The following ZFP90 variants were observed in gnomAD, a reference collection of about 807,000 sequenced individuals.
ZFP90 encodes the protein ZFP90 zinc finger protein, also known as zinc finger protein 90 homolog.
In ZFP90, 38 loss-of-function variants were observed where a neutral mutation model predicts 60.8. The ratio of observed to expected loss-of-function variants is 0.62; its 90% CI spans 0.48 to 0.82. The LOEUF (loss-of-function observed/expected upper bound fraction) is 0.82, where lower values mean the gene tolerates loss of function less well. Ranked by LOEUF, ZFP90 falls within the 40% of genes least tolerant of loss-of-function variation. The probability of loss-of-function intolerance (pLI) is 0.00; values close to 1 mark genes in which losing one functional copy is unlikely to be tolerated. For missense variants in ZFP90, 711 were observed against 759.1 expected (o/e 0.94, Z 0.74); for synonymous variants, 287 against 264.8 (o/e 1.08, Z -0.82).
At chr16:68,549,021 A>G (rs2152062683) in intron 2 of ZFP90, among the ~76,000 whole-genome samples, 1 of 152,096 alleles carries the variant, frequency 6.6e-6, no homozygotes, top group East Asian at 1.9e-4. Context: ...AGAATTACCC[A>G]GATTCTGTAT....
chr16:68,543,638 G>A (rs1456186837), intron 2 of ZFP90, among the ~76,000 whole-genome samples: 4 of 150,810 alleles, frequency 2.7e-5, no homozygotes, highest in Admixed American at 1.3e-4. Flanking sequence ...TTGGCTCACC[G>A]CAACCTCTGC....
At chr16:68,568,033 C>T (rs1209740999), downstream of ZFP90, among the ~76,000 whole-genome samples, 1 of 152,166 alleles carries the variant, frequency 6.6e-6, no homozygotes, top group African/African-American at 2.4e-5. Context: ...TGCTGACTCT[C>T]CTATTTCAAT....
intron 2 of ZFP90, among the ~76,000 whole-genome samples, chr16:68,543,784 C>T (rs1425157930): frequency 6.6e-6 from 1 of 151,300 alleles, no homozygotes; most frequent in Non-Finnish European, 1.5e-5. Flanking sequence ...TGGTCTCGAT[C>T]TCCTGACCTC....
At chr16:68,545,839 G>A (rs531653366) in intron 2 of ZFP90, among the ~76,000 whole-genome samples, 183 of 151,956 alleles carry the variant, frequency 1.2e-3, no homozygotes, top group African/African-American at 4.3e-3. Context: ...TCAAAAATAA[G>A]ATTCTTTTCC....
At position 68,566,814 on chromosome 16, in the gene ZFP90, A is replaced by T. The variant is rs1047176710; in HGVS notation, c.*2116A>T. On this transcript the variant is annotated 3_prime_UTR_variant, in exon 5 of 5. Transcript: ENST00000563169. ...TCCCCATAGTGGACTACTTTCAGGA[A>T]TGGCATGAATTGTAACCAACTGAGT... The T allele has an allele frequency of 2.5e-5, 25 of 985,472 alleles. No homozygotes were observed. Among genetic ancestry groups the T allele is most frequent in the Non-Finnish European group, 2.9e-5 (24 of 829,964 alleles). 61.0% of individuals were successfully genotyped at this position (985,472 alleles called of 1,614,324 possible). A position where few individuals can be genotyped will look rare whatever the true frequency, so the allele number is the denominator to read the frequency against.
chr16:68,551,842 T>C (rs2091266580), intron 2 of ZFP90, among the ~76,000 whole-genome samples: 1 of 152,226 alleles, frequency 6.6e-6, no homozygotes, highest in African/African-American at 2.4e-5. Flanking sequence ...CACTGCAAGC[T>C]CCGCCTCCCA....
chr16:68,540,783 G>A (rs1406842512), intron 2 of ZFP90, among the ~76,000 whole-genome samples: 25 of 115,644 alleles, frequency 2.2e-4, no homozygotes, highest in Admixed American at 3.4e-4. Flanking sequence ...ACCAGCCTGG[G>A]CAACATAGTG....
At chr16:68,569,468 A>T (rs377159464), downstream of ZFP90, among the ~76,000 whole-genome samples, 1 of 152,150 alleles carries the variant, frequency 6.6e-6, no homozygotes, top group East Asian at 1.9e-4. Context: ...GCTATCCTCC[A>T]GCATTTGTTT....
chr16:68,553,830 GC>G (rs1398219004), intron 2 of ZFP90, among the ~76,000 whole-genome samples: 1 of 152,128 alleles, frequency 6.6e-6, no homozygotes, highest in Non-Finnish European at 1.5e-5. Context: ...TCACTGTGTT[GC>G]CCAGGCTGGT....
rs1410200890 is a variant in ZFP90 at position 68,565,609 on chromosome 16, C to G, written c.*911C>G. On this transcript the variant is annotated 3_prime_UTR_variant, in exon 5 of 5. Coordinates refer to ENST00000563169, the MANE Select transcript of ZFP90 (RefSeq NM_001305203.2). ...CCAGTTTCACAGAACTATTAAGTCC[C>G]CTTATTGTACTTTTTATGGCATGCC... is the stretch of plus-strand genomic sequence containing the variant. The G allele has an allele frequency of 2.0e-6, 2 of 985,394 alleles. No homozygotes were observed. The highest frequency in any genetic ancestry group is 9.4e-5 in the South Asian group (2 of 21,286). The allele number at this position is 985,394 out of a possible 1,614,324, so 61.0% of individuals were successfully genotyped here.
intron 2 of ZFP90, chr16:68,574,353 T>C (rs1170438): frequency 0.77 from 116,507 of 151,598 alleles, 44,849 homozygotes; most frequent in East Asian, 0.82. Flanking sequence ...TTCTCCCATC[T>C]TCTGGACCAG....
intron 4 of ZFP90, chr16:68,562,153 GT>G: frequency 6.6e-6 from 1 of 152,112 alleles, no homozygotes; most frequent in East Asian, 1.9e-4. Context: ...ATTTTTTTCA[GT>G]TTTTAAAAGA....
chr16:68,564,043 G>T lies in ZFP90; in HGVS notation c.1256G>T (p.Gly419Val). ...AAACATATGAGGATTCATAAGAGAGGCAAACCTTACCAAAGCAGTAACTAC... is the reference window on the plus strand; with the variant it reads ...AAACATATGAGGATTCATAAGAGAGTCAAACCTTACCAAAGCAGTAACTAC... ...LYKHMRIHKR[G>V]KPYQSSNYSI... Residue 419 changes from glycine (G) to valine (V), a missense_variant, in exon 5 of 5, where the codon GGC (glycine) becomes GTC (valine). By Grantham distance (109) the Gly-to-Val change is moderately radical (BLOSUM62 -3). Coordinates refer to ENST00000563169, the MANE Select transcript of ZFP90 (RefSeq NM_001305203.2). 4 of 1,613,966 alleles carry T rather than the reference G, an allele frequency of 2.5e-6. No homozygotes were observed. Among genetic ancestry groups the T allele is most frequent in the Non-Finnish European group, 3.4e-6 (4 of 1,179,994 alleles).
chr16:68,544,515 C>T (rs1338077785), intron 2 of ZFP90, among the ~76,000 whole-genome samples: 1 of 152,088 alleles, frequency 6.6e-6, no homozygotes, highest in Non-Finnish European at 1.5e-5. Flanking sequence ...AAGAGATTTC[C>T]TTGATAGAGA....
At chr16:68,545,379 A>G (rs1244517850) in intron 2 of ZFP90, among the ~76,000 whole-genome samples, 4 of 152,188 alleles carry the variant, frequency 2.6e-5, no homozygotes, top group Non-Finnish European at 5.9e-5. Context: ...TGCTACTAAT[A>G]TAGCACAAAT....
At chr16:68,549,732 C>T (rs550562442) in intron 2 of ZFP90, among the ~76,000 whole-genome samples, 4 of 145,060 alleles carry the variant, frequency 2.8e-5, no homozygotes, top group Non-Finnish European at 4.5e-5. Flanking sequence ...TAGATGGCTA[C>T]GGTTCTGAAA....
chr16:68,556,587 C>T (rs1439759070), intron 2 of ZFP90, among the ~76,000 whole-genome samples: 1 of 152,140 alleles, frequency 6.6e-6, no homozygotes, highest in African/African-American at 2.4e-5. Context: ...GTTCTGGGCA[C>T]CAGGCATGTA....
chr16:68,572,045 G>A (rs765137080), downstream of ZFP90, among the ~76,000 whole-genome samples: 7 of 151,792 alleles, frequency 4.6e-5, no homozygotes, highest in Admixed American at 6.6e-5. Context: ...TTTTTTTGAG[G>A]TGGGGTCTCT....
At position 68,539,329 on chromosome 16, in the gene ZFP90, C is replaced by G. The variant is rs1439561514; in HGVS notation, c.-186C>G. 3 of 173,008 alleles carry G rather than the reference C, an allele frequency of 1.7e-5. No individual in the cohort carries two copies. The highest frequency in any genetic ancestry group is 1.3e-4 in the Admixed American group (2 of 15,836). The allele number at this position is 173,008 out of a possible 1,614,324, so 10.7% of individuals were successfully genotyped here. On this transcript the variant is annotated 5_prime_UTR_variant, in exon 1 of 5. Transcript: ENST00000563169. The stretch of plus-strand genomic sequence containing the variant: ...CCCCACCGCTGCGGCCATTGTCCGA[C>G]CCCGGTGCGGCTGAGGCCCCTTTGG...
Sources: allele counts gnomAD v4.1 joint callset (sites outside exome capture counted in the v4.1 genomes callset), GRCh38; gene constraint gnomAD v4.1.1; transcripts MANE v1.5; gene names NCBI Gene and HGNC (gene_info 2026-07-23, HGNC 2026-07-21).